ROBO2: variants seen among roughly 807,000 people sequenced by gnomAD.
The protein encoded by ROBO2 is roundabout guidance receptor 2, also known as roundabout homolog 2.
Under a neutral mutation model 160.8 loss-of-function variants are expected in ROBO2, and 53 were observed. The ratio of observed to expected loss-of-function variants is 0.33; its 90% confidence interval spans 0.26 to 0.41. The LOEUF (loss-of-function observed/expected upper bound fraction) is 0.41. ROBO2 is among the 10% of genes least tolerant of loss of function. ROBO2 has a pLI of 1.00. For missense variants in ROBO2, 1,577 were observed against 1,722.4 expected (o/e 0.92, Z 1.49); for synonymous variants, 664 against 611.7 (o/e 1.09, Z -1.26).
intron 2 of ROBO2, among the ~76,000 whole-genome samples, chr3:77,461,068 T>C (rs1020951720): frequency 1.3e-5 from 2 of 152,174 alleles, no homozygotes; most frequent in Non-Finnish European, 2.9e-5. Context: ...ATCTTTCATA[T>C]GACTATTTTT....
chr3:76,095,605 G>A (rs2069408565), intron 2 of ROBO2, among the ~76,000 whole-genome samples: 1 of 151,936 alleles, frequency 6.6e-6, no homozygotes, highest in Admixed American at 6.6e-5. Flanking sequence ...GGCATATGGG[G>A]ACTTAGGGTC....
At chr3:76,300,703 A>T (rs1479790911) in intron 2 of ROBO2, among the ~76,000 whole-genome samples, 1 of 152,078 alleles carries the variant, frequency 6.6e-6, no homozygotes, top group East Asian at 1.9e-4. Flanking sequence ...TTATTTTCAG[A>T]CTATTTTAAA....
intron 2 of ROBO2, among the ~76,000 whole-genome samples, chr3:76,361,307 C>G (rs2075506930): frequency 1.3e-5 from 2 of 151,982 alleles, no homozygotes; most frequent in Admixed American, 6.6e-5. Flanking sequence ...GTGTGCTTTT[C>G]CAACTTAAAT....
At chr3:76,101,961 A>C (rs979591217) in intron 2 of ROBO2, among the ~76,000 whole-genome samples, 1 of 145,558 alleles carries the variant, frequency 6.9e-6, no homozygotes, top group African/African-American at 2.6e-5. Context: ...AAGTGTTCCC[A>C]TTATACCCCG....
intron 2 of ROBO2, among the ~76,000 whole-genome samples, chr3:76,992,381 T>G (rs1273575410): frequency 7.3e-6 from 1 of 137,204 alleles, no homozygotes; most frequent in Non-Finnish European, 1.6e-5. Context: ...ATTTAGCTTT[T>G]GTAAAAAAAA....
At chr3:76,059,076 T>A (rs1266587245) in intron 2 of ROBO2, among the ~76,000 whole-genome samples, 1 of 151,416 alleles carries the variant, frequency 6.6e-6, no homozygotes, top group African/African-American at 2.4e-5. Flanking sequence ...TGGTTCCAAG[T>A]CTTTGCTATT....
At chr3:76,139,359 A>G (rs2106742147) in intron 2 of ROBO2, among the ~76,000 whole-genome samples, 1 of 152,262 alleles carries the variant, frequency 6.6e-6, no homozygotes, top group South Asian at 2.1e-4. Context: ...ACAAATATTT[A>G]AACTTAATTT....
chr3:76,200,005 A>G (rs1702447510), intron 2 of ROBO2, among the ~76,000 whole-genome samples: 1 of 152,134 alleles, frequency 6.6e-6, no homozygotes, highest in Non-Finnish European at 1.5e-5. Flanking sequence ...TATTTCCACT[A>G]TAGGAGAGGG....
At chr3:76,260,710 G>T (rs1181002373) in intron 2 of ROBO2, among the ~76,000 whole-genome samples, 1 of 152,084 alleles carries the variant, frequency 6.6e-6, no homozygotes, top group African/African-American at 2.4e-5. Context: ...GAATGAACCA[G>T]TAAGAGAGCA....
At chr3:77,498,417 G>T (rs2087086271) in intron 5 of ROBO2, among the ~76,000 whole-genome samples, 1 of 152,182 alleles carries the variant, frequency 6.6e-6, no homozygotes, top group South Asian at 2.1e-4. Flanking sequence ...AAAGGGAGTA[G>T]AGAATAAGAG....
intron 2 of ROBO2, among the ~76,000 whole-genome samples, chr3:76,394,852 C>A (rs1378459073): frequency 6.6e-6 from 1 of 152,116 alleles, no homozygotes; most frequent in Non-Finnish European, 1.5e-5. Flanking sequence ...TACAAAGAGA[C>A]TTAGATTCCC....
At chr3:76,654,843 T>TA (rs1216106932) in intron 2 of ROBO2, among the ~76,000 whole-genome samples, 19 of 112,840 alleles carry the variant, frequency 1.7e-4, no homozygotes, top group African/African-American at 2.4e-4. Flanking sequence ...TATAATTTTT[T>TA]TATATATATA....
chr3:76,218,271 C>G (rs189157345), intron 2 of ROBO2, among the ~76,000 whole-genome samples: 44 of 152,320 alleles, frequency 2.9e-4, no homozygotes, highest in African/African-American at 8.7e-4. Flanking sequence ...GATGCCCTCT[C>G]TCACCACTCC....
At chr3:77,636,984 G>T (rs764337318) in intron 24 of ROBO2, among the ~76,000 whole-genome samples, 7 of 152,198 alleles carry the variant, frequency 4.6e-5, no homozygotes, top group Non-Finnish European at 8.8e-5. Context: ...AGATTGAAAG[G>T]TGAATTTCTT....
intron 2 of ROBO2, among the ~76,000 whole-genome samples, chr3:77,141,646 G>T (rs184299339): frequency 6.6e-6 from 1 of 152,264 alleles, no homozygotes; most frequent in African/African-American, 2.4e-5. Context: ...TCTTTGATAA[G>T]GTTCTAGTTG....
intron 2 of ROBO2, among the ~76,000 whole-genome samples, chr3:76,982,875 G>A (rs561768381): frequency 1.1e-3 from 162 of 152,210 alleles, no homozygotes; most frequent in African/African-American, 3.7e-3. Context: ...GTGCCCATTA[G>A]ACTTATTTTT....
intron 2 of ROBO2, among the ~76,000 whole-genome samples, chr3:77,404,360 G>C (rs771457361): frequency 2.6e-5 from 4 of 152,094 alleles, no homozygotes; most frequent in Non-Finnish European, 5.9e-5. Flanking sequence ...GTCACTTGCA[G>C]TATGTCTTCT....
At position 76,183,685 on chromosome 3, in the gene ROBO2, A is replaced by G. The variant is rs113428224; in HGVS notation, c.109+246083A>G. 1.3e-3 allele frequency among the ~76,000 whole-genome samples: 200 copies of G among 152,258 alleles called. 1 individual carries two copies. The highest frequency in any genetic ancestry group is 7.4e-3 in the Admixed American group (113 of 15,276). ...AGGGGCAAGCAGAAAATTTAAGGAT[A>G]CACTCTACTCCGAATATTCTATTGG... On this transcript the variant is annotated intron_variant, in intron 2 of 26. Transcript: ENST00000487694.
intron 2 of ROBO2, among the ~76,000 whole-genome samples, chr3:76,775,182 A>T (rs2062164030): frequency 6.6e-6 from 1 of 150,680 alleles, no homozygotes; most frequent in Non-Finnish European, 1.5e-5. Context: ...TGTAGTCCTA[A>T]TGGATACCTA....
Sources: allele counts gnomAD v4.1 joint callset (sites outside exome capture counted in the v4.1 genomes callset), GRCh38; gene constraint gnomAD v4.1.1; transcripts MANE v1.5; gene names NCBI Gene and HGNC (gene_info 2026-07-23, HGNC 2026-07-21).